CATSPERE: variants seen among roughly 807,000 people sequenced by gnomAD.
CATSPERE encodes the protein cation channel sperm-associated auxiliary subunit epsilon.
Under a neutral mutation model 114.1 loss-of-function variants are expected in CATSPERE, and 93 were observed. The ratio of observed to expected loss-of-function variants is 0.81; its 90% CI spans 0.69 to 0.97. CATSPERE has a LOEUF of 0.97. Among genes scored for constraint, CATSPERE ranks in the 50% least tolerant of loss-of-function variants. The pLI, the probability that CATSPERE is intolerant of heterozygous loss-of-function variation, is 0.00. For missense variants in CATSPERE, 1,058 were observed against 1,131.6 expected, an observed-to-expected ratio of 0.93 and a Z score of 0.93; for synonymous variants, 341 against 384.1, an observed-to-expected ratio of 0.89 and a Z score of 1.31.
At chr1:244,558,158 G>C (rs189599408) in intron 9 of CATSPERE, among the ~76,000 whole-genome samples, 471 of 26,994 alleles carry the variant, frequency 0.017, no homozygotes, top group African/African-American at 0.056. Flanking sequence ...TTTTTTTTTT[G>C]AGACGGAGTT....
At chr1:244,458,261 T>C (rs1001827745), upstream of CATSPERE, among the ~76,000 whole-genome samples, 60 of 152,316 alleles carry the variant, frequency 3.9e-4, no homozygotes, top group African/African-American at 1.4e-3. Context: ...ATGTTATTGG[T>C]ATGTGTTCCA....
intron 20 of CATSPERE, 43 bp downstream of exon 20, chr1:244,617,729 C>G (rs1398840516): frequency 6.9e-6 from 10 of 1,450,994 alleles, no homozygotes; most frequent in Admixed American, 3.3e-5. Flanking sequence ...ATTAGTTCTT[C>G]AAAATCTTTA....
At chr1:244,475,436 G>T (rs763804841) in intron 2 of CATSPERE, among the ~76,000 whole-genome samples, 13 of 151,400 alleles carry the variant, frequency 8.6e-5, no homozygotes, top group African/African-American at 1.2e-4. Context: ...GTTTCACTAT[G>T]TTGGCCAGAC....
At chr1:244,507,038 A>C (rs1008524360) in intron 7 of CATSPERE, among the ~76,000 whole-genome samples, 1 of 152,138 alleles carries the variant, frequency 6.6e-6, no homozygotes, top group Non-Finnish European at 1.5e-5. Context: ...TTTCACTCAA[A>C]ATAATAGCCT....
chr1:244,532,662 A>G (rs1009290941), intron 8 of CATSPERE, among the ~76,000 whole-genome samples: 8 of 150,540 alleles, frequency 5.3e-5, no homozygotes, highest in Admixed American at 1.3e-4. Context: ...ATGTGTTAGA[A>G]TAGTTATCAA....
chr1:244,477,670 T>C (rs1669582331), intron 3 of CATSPERE, 56 bp downstream of exon 3: 1 of 1,167,764 alleles, frequency 8.6e-7, no homozygotes, highest in African/African-American at 1.5e-5. Flanking sequence ...TTCATTCATA[T>C]AATGTGAACA....
At chr1:244,526,585 G>C (rs1410804726) in intron 8 of CATSPERE, among the ~76,000 whole-genome samples, 1 of 151,642 alleles carries the variant, frequency 6.6e-6, no homozygotes, top group Non-Finnish European at 1.5e-5. Flanking sequence ...TTTCAGTGGT[G>C]CTCACCAGTT....
At chr1:244,636,468 C>T (rs1674642256) in intron 21 of CATSPERE, 1 of 152,162 alleles carries the variant, frequency 6.6e-6, no homozygotes. Flanking sequence ...TTCTACATAA[C>T]TTTGGGAAAC....
chr1:244,616,624 T>C (rs1671431021), intron 19 of CATSPERE, among the ~76,000 whole-genome samples: 1 of 152,144 alleles, frequency 6.6e-6, no homozygotes, highest in Non-Finnish European at 1.5e-5. Flanking sequence ...AACTCATCCT[T>C]TTATAAGGAA....
chr1:244,623,993 ACT>A (rs1412047888), intron 20 of CATSPERE, among the ~76,000 whole-genome samples: 5 of 151,440 alleles, frequency 3.3e-5, no homozygotes, highest in African/African-American at 1.2e-4. Context: ...ACGGAGTCTC[ACT>A]CTGTCGCCCA....
chr1:244,594,744 G>C (rs112689593), intron 17 of CATSPERE, among the ~76,000 whole-genome samples: 6 of 152,312 alleles, frequency 3.9e-5, no homozygotes, highest in South Asian at 2.1e-4. Flanking sequence ...TAATGAATCA[G>C]ACGCTCCAGT....
chr1:244,562,669 AATTT>A (rs1482388077), intron 10 of CATSPERE, among the ~76,000 whole-genome samples: 3 of 151,998 alleles, frequency 2.0e-5, no homozygotes, highest in Non-Finnish European at 4.4e-5. Context: ...TAGTTTCACA[AATTT>A]ATTGGCCATA....
chr1:244,459,968 C>T (rs760455297), upstream of CATSPERE, among the ~76,000 whole-genome samples: 2 of 152,228 alleles, frequency 1.3e-5, no homozygotes, highest in African/African-American at 2.4e-5. Flanking sequence ...GAGCTATCAA[C>T]GGCCTTCTCC....
chr1:244,586,748 C>T (rs1444039795), intron 13 of CATSPERE, among the ~76,000 whole-genome samples: 2 of 152,128 alleles, frequency 1.3e-5, no homozygotes, highest in East Asian at 3.8e-4. Context: ...AAATGTGCAA[C>T]ATCCAACAAC....
chr1:244,566,652 CTTTTTTTTTT>C (rs59466928), intron 10 of CATSPERE, among the ~76,000 whole-genome samples: 26 of 49,102 alleles, frequency 5.3e-4, no homozygotes, highest in Non-Finnish European at 1.3e-3. Context: ...GCAACCCCTG[CTTTTTTTTTT>C]TTTTTTTTTT....
intron 6 of CATSPERE, among the ~76,000 whole-genome samples, chr1:244,493,465 ACT>A (rs1672579761): frequency 6.6e-6 from 1 of 152,242 alleles, no homozygotes; most frequent in Admixed American, 6.5e-5. Context: ...TGGATTAAAG[ACT>A]TACATGTTAG....
intron 6 of CATSPERE, among the ~76,000 whole-genome samples, chr1:244,495,315 T>C (rs955932135): frequency 1.3e-5 from 2 of 151,990 alleles, no homozygotes; most frequent in Non-Finnish European, 2.9e-5. Context: ...TAGTTAAAAG[T>C]AGTGAAAAAG....
chr1:244,553,377 G>A (rs1038221071), intron 9 of CATSPERE, among the ~76,000 whole-genome samples: 10 of 151,556 alleles, frequency 6.6e-5, no homozygotes, highest in Non-Finnish European at 1.0e-4. Flanking sequence ...GTGAAACCCC[G>A]TCTCTACTAA....
At position 244,520,401 on chromosome 1, in the gene CATSPERE, C is replaced by T. The variant is rs114780167; in HGVS notation, c.536+1703C>T. On this transcript the variant is annotated intron_variant, in intron 8 of 21. Coordinates refer to ENST00000366534, the MANE Select transcript of CATSPERE (RefSeq NM_001130957.2). ...ATTTGCTGAAAAGACTGTTGTTTCCCCCATTGAATTGTTTTGGAACTTTTG... is the reference window on the plus strand; with the variant it reads ...ATTTGCTGAAAAGACTGTTGTTTCCTCCATTGAATTGTTTTGGAACTTTTG... 2.9e-3 allele frequency among the ~76,000 whole-genome samples: 439 copies of T among 152,144 alleles called. 1 individual carries two copies. Among genetic ancestry groups the T allele is most frequent in the African/African-American group, 1.0e-2 (413 of 41,502 alleles).
Sources: allele counts gnomAD v4.1 joint callset (sites outside exome capture counted in the v4.1 genomes callset), GRCh38; gene constraint gnomAD v4.1.1; transcripts MANE v1.5; gene names NCBI Gene and HGNC (gene_info 2026-07-23, HGNC 2026-07-21).